ACACA: variants seen among roughly 807,000 people sequenced by gnomAD.
ACACA encodes acetyl-CoA carboxylase 1.
A neutral mutation model predicts 296.1 loss-of-function variants in ACACA; 103 were observed. The observed-to-expected ratio is 0.35, with a 90% CI of 0.30 to 0.41. The LOEUF (loss-of-function observed/expected upper bound fraction) is 0.41. ACACA is among the 10% of genes least tolerant of loss of function. ACACA has a pLI of 1.00. For synonymous variants in ACACA, 953 were observed against 1,038.6 expected (o/e 0.92, Z 1.58); for missense variants, 1,554 against 2,989.7 (o/e 0.52, Z 11.20).
At chr17:37,371,180 A>G (rs1026772729) in intron 1 of ACACA, among the ~76,000 whole-genome samples, 1 of 151,594 alleles carries the variant, frequency 6.6e-6, no homozygotes, top group Non-Finnish European at 1.5e-5. Context: ...CCCGCGTTCA[A>G]GTGATTCTCC....
Position 37,161,808 on chromosome 17 carries a change from G to A in ACACA, c.5322C>T (p.Ala1774=), listed in dbSNP as rs750346961. Residue 1774 remains alanine, a synonymous_variant, in exon 42 of 56, where the codon GCC becomes GCT. Transcript: ENST00000616317. ...TGTAAGGATCCTCAGGATCTACCCA[G>A]GCCACATGAAACATATGGCGAATTT... ...AEEIRHMFHV[A]WVDPEDPYKG... is the part of the protein sequence containing the mutation. 1.5e-5 allele frequency: 24 copies of A among 1,612,800 alleles called. No individual in the cohort carries two copies. The East Asian group carries it at 4.7e-4, about 31-fold the overall frequency.
chr17:37,388,779 TG>T, intron 1 of ACACA: 1 of 1,613,292 alleles, frequency 6.2e-7, no homozygotes, highest in Non-Finnish European at 8.5e-7. Context: ...TTGTAATTTT[TG>T]AAGTCCCATG....
intron 29 of ACACA, 144 bp downstream of exon 29, chr17:37,221,580 G>A: frequency 2.6e-6 from 2 of 766,470 alleles, no homozygotes; most frequent in South Asian, 1.4e-5. Context: ...GGCACCAAAA[G>A]GCTCTTCTCT....
At chr17:37,266,590 G>A (rs2081790938) in intron 10 of ACACA, among the ~76,000 whole-genome samples, 1 of 152,082 alleles carries the variant, frequency 6.6e-6, no homozygotes, top group Non-Finnish European at 1.5e-5. Flanking sequence ...TTTACTCTGA[G>A]GCATTTTTTA....
At chr17:37,367,691 C>G (rs2049655026) in intron 1 of ACACA, 1 of 152,152 alleles carries the variant, frequency 6.6e-6, no homozygotes, top group Non-Finnish European at 1.5e-5. Context: ...ATTACTTTCC[C>G]CTTTCTCTCC....
intron 1 of ACACA, among the ~76,000 whole-genome samples, chr17:37,364,409 C>T (rs1266622382): frequency 2.0e-5 from 3 of 151,976 alleles, no homozygotes; most frequent in East Asian, 1.9e-4. Flanking sequence ...GGCTGGCCAA[C>T]GTGGCAAAAT....
intron 51 of ACACA, among the ~76,000 whole-genome samples, chr17:37,112,549 T>C (rs2074033220): frequency 6.6e-6 from 1 of 152,184 alleles, no homozygotes; most frequent in Admixed American, 6.5e-5. Context: ...TCTGATCTGA[T>C]ATCAGATGAG....
At chr17:37,100,310 C>T (rs2073279431) in intron 52 of ACACA, among the ~76,000 whole-genome samples, 1 of 152,124 alleles carries the variant, frequency 6.6e-6, no homozygotes, top group South Asian at 2.1e-4. Flanking sequence ...GTAACTTTAT[C>T]GTGGATTAAC....
intron 1 of ACACA, among the ~76,000 whole-genome samples, chr17:37,359,431 C>CGGGCGGGCCCT (rs1255116143): frequency 2.1e-5 from 3 of 141,736 alleles, no homozygotes; most frequent in Non-Finnish European, 3.0e-5. Flanking sequence ...GGGCGGGCCG[C>CGGGCGGGCCCT]GGGCGGGCCC....
At chr17:37,112,022 A>G (rs2073998314) in intron 51 of ACACA, among the ~76,000 whole-genome samples, 1 of 149,816 alleles carries the variant, frequency 6.7e-6, no homozygotes. Flanking sequence ...TAGGATGTAC[A>G]ATAATGAAGG....
intron 3 of ACACA, among the ~76,000 whole-genome samples, chr17:37,295,898 C>T (rs2083303590): frequency 1.3e-5 from 2 of 151,984 alleles, no homozygotes; most frequent in Non-Finnish European, 2.9e-5. Flanking sequence ...GCACTCCAGC[C>T]TGGGCTAAAG....
chr17:37,195,794 T>G (rs2077968322), intron 35 of ACACA, among the ~76,000 whole-genome samples: 2 of 152,176 alleles, frequency 1.3e-5, no homozygotes, highest in African/African-American at 4.8e-5. Flanking sequence ...TCCTATCTCA[T>G]CCTCATACTG....
intron 24 of ACACA, among the ~76,000 whole-genome samples, chr17:37,237,116 A>G (rs2145878544): frequency 6.6e-6 from 1 of 152,280 alleles, no homozygotes; most frequent in Admixed American, 6.5e-5. Context: ...GAACCTGAAA[A>G]AAATGGAATC....
intron 45 of ACACA, among the ~76,000 whole-genome samples, chr17:37,138,073 C>T (rs1042166979): frequency 1.3e-5 from 2 of 152,092 alleles, no homozygotes; most frequent in African/African-American, 4.8e-5. Flanking sequence ...AATTAGGAAC[C>T]GGTCAAAAAT....
intron 3 of ACACA, among the ~76,000 whole-genome samples, chr17:37,312,850 G>A (rs2084225528): frequency 6.6e-6 from 1 of 151,600 alleles, no homozygotes; most frequent in Non-Finnish European, 1.5e-5. Context: ...AACATAGCAA[G>A]ACCCCATCTC....
intron 14 of ACACA, among the ~76,000 whole-genome samples, chr17:37,253,531 G>C (rs2081090915): frequency 6.6e-6 from 1 of 152,038 alleles, no homozygotes; most frequent in South Asian, 2.1e-4. Flanking sequence ...TTCAAGAGAG[G>C]GAAATTTGCA....
chr17:37,338,158 A>C lies in ACACA; in HGVS notation c.85+1646T>G, dbSNP rs151067693. ...AAAACAAAACTAGAATCAAATATAA[A>C]AGTATGATGCAACATGAGCCAAGAT... On this transcript the variant is annotated intron_variant, in intron 2 of 55. Transcript: ENST00000616317. Among the ~76,000 whole-genome samples the C allele has an allele frequency of 0.015, 1,790 of 118,442 alleles. 36 individuals carry two copies. The East Asian group carries it at 0.18, about 12-fold the overall frequency. 77.7% of individuals were successfully genotyped at this position (118,442 alleles called of 152,430 possible). A position where few individuals can be genotyped will look rare whatever the true frequency, so the allele number is the denominator to read the frequency against.
chr17:37,379,472 A>C, intron 1 of ACACA: 1 of 1,443,648 alleles, frequency 6.9e-7, no homozygotes, highest in East Asian at 2.3e-5. Context: ...AAAAGCTACA[A>C]GAAAATGAAT....
intron 9 of ACACA, among the ~76,000 whole-genome samples, chr17:37,272,848 T>C (rs1188195194): frequency 6.6e-6 from 1 of 152,134 alleles, no homozygotes; most frequent in East Asian, 1.9e-4. Flanking sequence ...GTATATGATA[T>C]AAATCTATGA....
Sources: gnomAD v4.1 joint callset for allele counts (sites outside exome capture counted in the v4.1 genomes callset) on GRCh38, gnomAD v4.1.1 for gene constraint, MANE v1.5 for transcripts, NCBI Gene and HGNC (gene_info 2026-07-23, HGNC 2026-07-21) for gene names.